Variants in ARID4B observed in about 807,000 individuals in gnomAD.
ARID4B encodes the protein AT-rich interaction domain 4B.
Under a neutral mutation model 147.5 loss-of-function variants are expected in ARID4B, and 26 were observed. The ratio of observed to expected loss-of-function variants is 0.18; its 90% CI spans 0.13 to 0.24. The LOEUF (loss-of-function observed/expected upper bound fraction) is 0.24, where lower values mean the gene tolerates loss of function less well. ARID4B is among the 10% of genes least tolerant of loss of function. The probability of loss-of-function intolerance (pLI) is 1.00; values close to 1 mark genes in which losing one functional copy is unlikely to be tolerated. For synonymous variants in ARID4B, 512 were observed against 507.9 expected (o/e 1.01, Z -0.11); for missense variants, 1,179 against 1,511.5 (o/e 0.78, Z 3.65).
At chr1:235,293,370 G>A (rs555704151) in intron 2 of ARID4B, among the ~76,000 whole-genome samples, 18 of 152,008 alleles carry the variant, frequency 1.2e-4, no homozygotes, top group Non-Finnish European at 2.1e-4. Flanking sequence ...ACCAAACATT[G>A]TAACTTCACA....
Position 235,240,367 on chromosome 1 carries a change from T to C in ARID4B, c.531A>G (p.Val177=). The change falls in exon 8 of 24, where the codon GTA becomes GTG. Residue 177 remains valine (V), a synonymous_variant. Coordinates refer to ENST00000264183, the MANE Select transcript of ARID4B (RefSeq NM_016374.6). The part of the protein sequence containing the change: ...KQIDELLGKV[V]CVDYISLDKK... ...TATCCAAACTAATGTAATCTACACA[T>C]ACAACTTTGCCTAGTAGCTCATCAA... 3 of 1,613,554 alleles carry C rather than the reference T, an allele frequency of 1.9e-6. No individual in the cohort carries two copies. The highest frequency in any genetic ancestry group is 2.5e-6 in the Non-Finnish European group (3 of 1,179,640).
chr1:235,225,149 G>A (rs191090369), intron 11 of ARID4B, among the ~76,000 whole-genome samples: 236 of 152,218 alleles, frequency 1.6e-3, no homozygotes, highest in Admixed American at 2.8e-3. Context: ...CAACTTATGC[G>A]AAACTGGATC....
intron 11 of ARID4B, among the ~76,000 whole-genome samples, chr1:235,227,416 T>C (rs887575263): frequency 2.0e-5 from 3 of 152,198 alleles, no homozygotes; most frequent in African/African-American, 2.4e-5. Flanking sequence ...TTCTACATTA[T>C]ACATTGTCAT....
At chr1:235,284,476 T>C (rs193017948) in intron 2 of ARID4B, among the ~76,000 whole-genome samples, 186 of 152,274 alleles carry the variant, frequency 1.2e-3, no homozygotes, top group Non-Finnish European at 9.0e-4. Context: ...CTTCACTAGC[T>C]TTTTCTATTA....
intron 12 of ARID4B, among the ~76,000 whole-genome samples, chr1:235,223,900 C>T (rs1213008823): frequency 6.6e-6 from 1 of 151,890 alleles, no homozygotes; most frequent in Non-Finnish European, 1.5e-5. Context: ...TTATCTTATA[C>T]AAGAGCCTAT....
chr1:235,252,362 T>C (rs113980201), intron 6 of ARID4B, among the ~76,000 whole-genome samples: 4,220 of 152,004 alleles, frequency 0.028, 96 homozygotes, highest in Non-Finnish European at 0.04. Context: ...GTAGCAGTAG[T>C]TAAAGACTGT....
At chr1:235,246,110 T>C (rs1264983548) in intron 7 of ARID4B, among the ~76,000 whole-genome samples, 1 of 152,120 alleles carries the variant, frequency 6.6e-6, no homozygotes, top group African/African-American at 2.4e-5. Flanking sequence ...CCAAAAATAA[T>C]AGCATGAATA....
At chr1:235,188,812 T>C (rs1026151462) in intron 19 of ARID4B, among the ~76,000 whole-genome samples, 6 of 152,136 alleles carry the variant, frequency 3.9e-5, no homozygotes, top group East Asian at 1.9e-4. Context: ...GATCACCCGA[T>C]AGTGAAACTC....
chr1:235,223,457 A>T (rs1175789507), intron 12 of ARID4B, among the ~76,000 whole-genome samples, 197 bp from the exon 13 acceptor site: 3 of 140,902 alleles, frequency 2.1e-5, no homozygotes, highest in African/African-American at 8.0e-5. Flanking sequence ...TGTTAATCAA[A>T]GACATGGTAT....
At chr1:235,282,791 A>AT (rs1356487267) in intron 2 of ARID4B, among the ~76,000 whole-genome samples, 1 of 152,048 alleles carries the variant, frequency 6.6e-6, no homozygotes, top group African/African-American at 2.4e-5. Flanking sequence ...TTATTTATTT[A>AT]TTTATTTTTT....
chr1:235,268,239 T>C (rs1172426489), intron 2 of ARID4B, among the ~76,000 whole-genome samples: 1 of 152,146 alleles, frequency 6.6e-6, no homozygotes, highest in East Asian at 1.9e-4. Context: ...GTGGGGGCCA[T>C]GTTTTTCACT....
intron 7 of ARID4B, among the ~76,000 whole-genome samples, chr1:235,243,903 A>G (rs570799855): frequency 6.6e-6 from 1 of 152,132 alleles, no homozygotes; most frequent in Admixed American, 6.5e-5. Context: ...AAATGAATCA[A>G]ATTCTCATAT....
At position 235,209,071 on chromosome 1, in the gene ARID4B, CT is replaced by C. The variant is rs1009108462; in HGVS notation, c.1841+4697del. On this transcript the variant is annotated intron_variant, in intron 17 of 23. Coordinates refer to ENST00000264183, the MANE Select transcript of ARID4B (RefSeq NM_016374.6). The stretch of plus-strand genomic sequence containing the variant: ...GTGGTGTGAACATGTTAAAATATGA[CT>C]TTTTTTCATCACAACAGTAGAAAAC... 3.9e-4 allele frequency among the ~76,000 whole-genome samples: 60 copies of C among 152,124 alleles called. 1 individual carries two copies. Among genetic ancestry groups the C allele is most frequent in the Non-Finnish European group, 1.6e-4 (11 of 68,014 alleles).
At chr1:235,199,495 T>C (rs757573317) in intron 17 of ARID4B, among the ~76,000 whole-genome samples, 5 of 152,188 alleles carry the variant, frequency 3.3e-5, no homozygotes, top group Non-Finnish European at 5.9e-5. Flanking sequence ...TTTCACAAGT[T>C]AAGAAATTCC....
At chr1:235,191,701 T>C (rs1205676909) in intron 19 of ARID4B, among the ~76,000 whole-genome samples, 1 of 152,176 alleles carries the variant, frequency 6.6e-6, no homozygotes, top group Non-Finnish European at 1.5e-5. Flanking sequence ...GAATCTCTAT[T>C]CAGGTAACAT....
intron 2 of ARID4B, among the ~76,000 whole-genome samples, chr1:235,325,386 AG>A (rs1471415400): frequency 3.3e-5 from 5 of 152,038 alleles, no homozygotes; most frequent in African/African-American, 1.2e-4. Context: ...AGGAAACGAA[AG>A]GAAGAAAAAA....
At chr1:235,218,893 T>C (rs764905796) in intron 16 of ARID4B, among the ~76,000 whole-genome samples, 7 of 132,582 alleles carry the variant, frequency 5.3e-5, no homozygotes, top group Non-Finnish European at 9.4e-5. Context: ...TGAGACAGAG[T>C]CTCACTCGAT....
At chr1:235,309,012 T>G (rs1356311024) in intron 2 of ARID4B, among the ~76,000 whole-genome samples, 2 of 124,584 alleles carry the variant, frequency 1.6e-5, no homozygotes, top group Non-Finnish European at 3.2e-5. Context: ...CCGGCCGCCA[T>G]CCCATCTAGG....
At chr1:235,224,821 T>C (rs1374080059) in intron 11 of ARID4B, 46 bp from the exon 12 acceptor site, 1 of 1,322,746 alleles carries the variant, frequency 7.6e-7, no homozygotes, top group Non-Finnish European at 1.1e-6. Flanking sequence ...ATTAAGCATT[T>C]TAATAAAACA....
Sources: allele counts gnomAD v4.1 joint callset (sites outside exome capture counted in the v4.1 genomes callset), GRCh38; gene constraint gnomAD v4.1.1; transcripts MANE v1.5; gene names NCBI Gene and HGNC (gene_info 2026-07-23, HGNC 2026-07-21).